The following AQR variants were observed in gnomAD, a reference collection of about 807,000 sequenced individuals.
AQR encodes the protein aquarius intron-binding spliceosomal factor.
In AQR, 61 loss-of-function variants were observed where a neutral mutation model predicts 180.5. The observed-to-expected ratio is 0.34, with a 90% confidence interval of 0.28 to 0.42. The LOEUF is 0.42. AQR is among the 10% of genes least tolerant of loss of function. The pLI, the probability that AQR is intolerant of heterozygous loss-of-function variation, is 1.00. For missense variants in AQR, 1,281 were observed against 1,798.3 expected (o/e 0.71, Z 5.20); for synonymous variants, 551 against 588.8 (o/e 0.94, Z 0.93).
intron 9 of AQR, among the ~76,000 whole-genome samples, chr15:34,935,270 T>A (rs532266190): frequency 4.6e-5 from 7 of 152,324 alleles, no homozygotes; most frequent in Middle Eastern, 3.4e-3. Context: ...TTTTTGTTTT[T>A]AAATAATTAC....
intron 13 of AQR, 27 bp downstream of exon 13, chr15:34,927,007 GA>G (rs774733629): frequency 1.4e-5 from 19 of 1,363,154 alleles, no homozygotes; most frequent in Admixed American, 1.1e-4. Context: ...TACAAAAAAA[GA>G]ATATATAGTT....
chr15:34,940,753 T>C lies in AQR; in HGVS notation c.641+146A>G, dbSNP rs942741369. The C allele has an allele frequency of 4.5e-6, 3 of 671,048 alleles. No homozygotes were observed. The African/African-American group carries it at 5.6e-5, about 13-fold the overall frequency. The allele number at this position is 671,048 out of a possible 1,614,324, so 41.6% of individuals were successfully genotyped here. ...TTTAGATCTTTGTGGAAAATATTCT[T>C]AATGACAGTCTAGGTAAAAGCACTT... On this transcript the variant is annotated intron_variant, in intron 8 of 34. Transcript: ENST00000156471.
intron 12 of AQR, among the ~76,000 whole-genome samples, chr15:34,929,101 G>A (rs532298818): frequency 1.4e-4 from 21 of 152,256 alleles, no homozygotes; most frequent in Non-Finnish European, 1.9e-4. Context: ...ACCTTTGTTA[G>A]ATGGGTAGAT....
Position 34,856,695 on chromosome 15 carries a change from T to C in AQR, c.*97A>G. ...AATATAAGAACTAAACATTAATTAGTGACAGTAAAATGGCAGAAGCAAATA... is the reference window on the plus strand; with the variant it reads ...AATATAAGAACTAAACATTAATTAGCGACAGTAAAATGGCAGAAGCAAATA... On this transcript the variant is annotated 3_prime_UTR_variant, in exon 35 of 35. Transcript: ENST00000156471. The C allele has an allele frequency of 9.9e-7, 1 of 1,011,800 alleles. No individual in the cohort carries two copies. Among genetic ancestry groups the C allele is most frequent in the Non-Finnish European group, 1.4e-6 (1 of 721,152 alleles). The allele number at this position is 1,011,800 out of a possible 1,614,324, so 62.7% of individuals were successfully genotyped here.
chr15:34,863,715 C>T (rs950504436), intron 32 of AQR, among the ~76,000 whole-genome samples: 30 of 152,124 alleles, frequency 2.0e-4, no homozygotes, highest in African/African-American at 6.8e-4. Context: ...ACACATGTAG[C>T]TGGCTATCTG....
At chr15:34,958,065 G>A (rs1335007068) in intron 3 of AQR, among the ~76,000 whole-genome samples, 10 of 151,820 alleles carry the variant, frequency 6.6e-5, no homozygotes, top group Admixed American at 2.6e-4. Context: ...AAAATTAGCC[G>A]GGCGTGGTGG....
intron 9 of AQR, 97 bp from the exon 10 acceptor site, chr15:34,934,732 T>A: frequency 2.9e-6 from 2 of 687,964 alleles, no homozygotes; most frequent in Non-Finnish European, 4.6e-6. Context: ...TTAAATAAAG[T>A]CAATTGTCTT....
chr15:34,880,469 GA>G (rs1892955867), intron 27 of AQR, among the ~76,000 whole-genome samples: 1 of 151,936 alleles, frequency 6.6e-6, no homozygotes, highest in Non-Finnish European at 1.5e-5. Context: ...AATGTACTAA[GA>G]AAATATTTAA....
chr15:34,922,507 T>C (rs1595798227), intron 13 of AQR, among the ~76,000 whole-genome samples: 1 of 152,152 alleles, frequency 6.6e-6, no homozygotes, highest in South Asian at 2.1e-4. Flanking sequence ...TTCCAATTGC[T>C]CCACATCCTT....
chr15:34,859,307 C>T (rs1243223929), intron 34 of AQR, among the ~76,000 whole-genome samples: 1 of 152,146 alleles, frequency 6.6e-6, no homozygotes. Flanking sequence ...AGATGCTCAT[C>T]ATCAGTCCTT....
intron 4 of AQR, among the ~76,000 whole-genome samples, chr15:34,949,299 A>AC (rs1225096707): frequency 1.0e-4 from 5 of 48,896 alleles, no homozygotes; most frequent in Non-Finnish European, 5.1e-4. Context: ...CTGGGCCTTT[A>AC]ACTTTAAGGC....
At chr15:34,896,476 G>A (rs754974901) in intron 22 of AQR, among the ~76,000 whole-genome samples, 4 of 151,890 alleles carry the variant, frequency 2.6e-5, no homozygotes, top group African/African-American at 4.8e-5. Flanking sequence ...TAAATTCAGC[G>A]GGGTTGCTGT....
At chr15:34,915,987 G>C (rs994916644) in intron 15 of AQR, among the ~76,000 whole-genome samples, 1 of 151,824 alleles carries the variant, frequency 6.6e-6, no homozygotes, top group Non-Finnish European at 1.5e-5. Flanking sequence ...GGTGAAGGAT[G>C]AGTTTTATTA....
chr15:34,913,484 T>C (rs752610622), intron 16 of AQR, among the ~76,000 whole-genome samples: 12 of 152,264 alleles, frequency 7.9e-5, no homozygotes, highest in Non-Finnish European at 7.4e-5. Flanking sequence ...GCATTAAAAA[T>C]GTAAATTTAG....
chr15:34,953,102 T>C (rs1171467427), intron 3 of AQR, among the ~76,000 whole-genome samples, 182 bp from the exon 4 acceptor site: 1 of 152,206 alleles, frequency 6.6e-6, no homozygotes, highest in Non-Finnish European at 1.5e-5. Context: ...CATGTTTTCA[T>C]TTAATACTCA....
rs998122736 is a variant in AQR at position 34,934,291 on chromosome 15, A to G, written c.783+280T>C. ...ATATTGTATACAATACTATATTATT[A>G]TACAATCCATGGGCACCCAATATGT... On this transcript the variant is annotated intron_variant, in intron 10 of 34. Transcript: ENST00000156471. Among the ~76,000 whole-genome samples the G allele has an allele frequency of 4.0e-5, 6 of 148,680 alleles. No individual in the cohort carries two copies. In the Admixed American group the frequency reaches 4.0e-4, roughly 10 times the overall value.
At chr15:34,857,676 G>T (rs912862046) in intron 34 of AQR, among the ~76,000 whole-genome samples, 3 of 152,094 alleles carry the variant, frequency 2.0e-5, no homozygotes, top group Non-Finnish European at 4.4e-5. Context: ...ACTTGACCCT[G>T]TGAGTTGGAG....
chr15:34,915,207 C>CA (rs1893562444), intron 15 of AQR, 28 bp from the exon 16 acceptor site: 1 of 1,541,068 alleles, frequency 6.5e-7, no homozygotes, highest in East Asian at 2.3e-5. Context: ...ATCCATATTT[C>CA]AATTTTTTTT....
intron 13 of AQR, among the ~76,000 whole-genome samples, chr15:34,925,017 T>C (rs1033370816): frequency 6.6e-6 from 1 of 151,490 alleles, no homozygotes; most frequent in Non-Finnish European, 1.5e-5. Flanking sequence ...GCATCTAATA[T>C]AGTTATTAAA....
Sources: allele counts gnomAD v4.1 joint callset (sites outside exome capture counted in the v4.1 genomes callset), GRCh38; gene constraint gnomAD v4.1.1; transcripts MANE v1.5; gene names NCBI Gene and HGNC (gene_info 2026-07-23, HGNC 2026-07-21).